CSMD1: variants seen among roughly 807,000 people sequenced by gnomAD.
CSMD1 encodes CUB and sushi domain-containing protein 1.
In CSMD1, 213 loss-of-function variants were observed where a neutral mutation model predicts 417.5. That is an observed-to-expected ratio of 0.51 (90% CI 0.46 to 0.57). CSMD1 has a LOEUF of 0.57. Among genes scored for constraint, CSMD1 ranks in the 20% least tolerant of loss-of-function variants. The pLI is 0.00. For synonymous variants in CSMD1, 2,862 were observed against 1,736.8 expected (o/e 1.65, Z -16.11); for missense variants, 6,923 against 4,529.7 (o/e 1.53, Z -15.17).
intron 10 of CSMD1, among the ~76,000 whole-genome samples, chr8:3,568,289 C>T (rs1003641034): frequency 3.3e-5 from 5 of 152,058 alleles, no homozygotes; most frequent in South Asian, 2.1e-4. Flanking sequence ...CTGTCAGATC[C>T]ATGTGTGCTG....
intron 1 of CSMD1, among the ~76,000 whole-genome samples, chr8:4,966,400 A>C (rs1283958701): frequency 6.6e-6 from 1 of 151,974 alleles, no homozygotes; most frequent in Non-Finnish European, 1.5e-5. Flanking sequence ...CAACAACAAA[A>C]AAAGAGTTCC....
intron 12 of CSMD1, among the ~76,000 whole-genome samples, chr8:3,452,594 G>T (rs575225003): frequency 1.6e-3 from 251 of 152,232 alleles, no homozygotes; most frequent in Middle Eastern, 3.4e-3. Context: ...TTTGTCATTG[G>T]TTCTGTTTAT....
At chr8:4,928,684 G>A (rs372910077) in intron 1 of CSMD1, among the ~76,000 whole-genome samples, 1 of 152,138 alleles carries the variant, frequency 6.6e-6, no homozygotes, top group Non-Finnish European at 1.5e-5. Flanking sequence ...CAGCTGAATT[G>A]TGCCACCCTA....
At chr8:4,225,506 T>C (rs994034950) in intron 3 of CSMD1, among the ~76,000 whole-genome samples, 3 of 148,000 alleles carry the variant, frequency 2.0e-5, no homozygotes, top group Admixed American at 6.7e-5. Context: ...CTCATCACTT[T>C]TTTTTTTTTT....
chr8:2,978,908 G>T, intron 54 of CSMD1, 108 bp from the exon 55 acceptor site: 1 of 935,616 alleles, frequency 1.1e-6, no homozygotes, highest in Non-Finnish European at 1.5e-6. Flanking sequence ...TTCAAAAACT[G>T]ACAACATGAT....
chr8:4,853,179 G>T (rs984552526), intron 1 of CSMD1, among the ~76,000 whole-genome samples: 2 of 152,190 alleles, frequency 1.3e-5, no homozygotes, highest in African/African-American at 4.8e-5. Context: ...TGACTAAAAG[G>T]GACCCAGGTG....
intron 26 of CSMD1, among the ~76,000 whole-genome samples, chr8:3,232,539 T>C (rs971043692): frequency 1.1e-4 from 17 of 152,236 alleles, no homozygotes; most frequent in East Asian, 1.9e-4. Context: ...AAAATGCTGC[T>C]GCGAAAACTC....
At chr8:3,625,555 G>A (rs569318760) in intron 7 of CSMD1, among the ~76,000 whole-genome samples, 1 of 152,016 alleles carries the variant, frequency 6.6e-6, no homozygotes, top group East Asian at 1.9e-4. Context: ...AACTGCCATG[G>A]TCTTAAATCA....
At chr8:4,452,606 T>C (rs188676171) in intron 2 of CSMD1, among the ~76,000 whole-genome samples, 19 of 152,308 alleles carry the variant, frequency 1.2e-4, no homozygotes, top group Admixed American at 3.3e-4. Context: ...ACGAAAAAGA[T>C]AATAGTTTTT....
intron 1 of CSMD1, among the ~76,000 whole-genome samples, chr8:4,728,018 T>C (rs1013556776): frequency 6.8e-6 from 1 of 146,506 alleles, no homozygotes; most frequent in Non-Finnish European, 1.5e-5. Flanking sequence ...AAAATATATA[T>C]ATATTTTTTC....
At chr8:3,807,294 C>A (rs1800799850) in intron 5 of CSMD1, among the ~76,000 whole-genome samples, 1 of 152,038 alleles carries the variant, frequency 6.6e-6, no homozygotes, top group African/African-American at 2.4e-5. Context: ...TACCGCATGC[C>A]AGCAAAATAA....
At chr8:4,405,615 A>G (rs557417422) in intron 3 of CSMD1, among the ~76,000 whole-genome samples, 3 of 152,354 alleles carry the variant, frequency 2.0e-5, no homozygotes, top group Admixed American at 6.5e-5. Flanking sequence ...CAAAAAAGAA[A>G]AAAAGAAAAA....
intron 30 of CSMD1, among the ~76,000 whole-genome samples, chr8:3,206,433 G>C (rs1308428263): frequency 9.0e-4 from 101 of 112,810 alleles, no homozygotes; most frequent in Non-Finnish European, 1.6e-3. Context: ...GTGTGTGTGT[G>C]GGTGTATGTG....
intron 23 of CSMD1, among the ~76,000 whole-genome samples, chr8:3,323,548 C>T (rs1452302658): frequency 6.6e-6 from 1 of 151,218 alleles, no homozygotes; most frequent in Non-Finnish European, 1.5e-5. Flanking sequence ...CAAAAGAAAA[C>T]TTTAAACACT....
intron 3 of CSMD1, among the ~76,000 whole-genome samples, chr8:4,365,553 T>A (rs1363235772): frequency 6.6e-6 from 1 of 152,224 alleles, no homozygotes; most frequent in African/African-American, 2.4e-5. Context: ...CAGTTACTTA[T>A]GATTGTGCCT....
chr8:3,476,694 G>A (rs1169331393), intron 11 of CSMD1, among the ~76,000 whole-genome samples: 1 of 151,964 alleles, frequency 6.6e-6, no homozygotes, highest in Non-Finnish European at 1.5e-5. Context: ...AAGGCGGGCA[G>A]ATTACTTGAG....
chr8:3,360,771 G>T (rs6982537), intron 20 of CSMD1, among the ~76,000 whole-genome samples: 1 of 151,600 alleles, frequency 6.6e-6, no homozygotes, highest in Non-Finnish European at 1.5e-5. Flanking sequence ...CCCCTAACTC[G>T]GAATTTTAGG....
At chr8:4,826,428 T>C (rs879355265) in intron 1 of CSMD1, among the ~76,000 whole-genome samples, 1 of 152,192 alleles carries the variant, frequency 6.6e-6, no homozygotes, top group Admixed American at 6.5e-5. Context: ...TTGCGCTAAC[T>C]GAAATAAGCT....
At chr8:3,218,372 T>A (rs546131109) in intron 29 of CSMD1, among the ~76,000 whole-genome samples, 15 of 149,966 alleles carry the variant, frequency 1.0e-4, no homozygotes, top group African/African-American at 3.7e-4. Context: ...TCATCCTGGC[T>A]AACACTGTGA....
Sources: allele counts gnomAD v4.1 joint callset (sites outside exome capture counted in the v4.1 genomes callset), GRCh38; gene constraint gnomAD v4.1.1; transcripts MANE v1.5; gene names NCBI Gene and HGNC (gene_info 2026-07-23, HGNC 2026-07-21).